Variants in DLGAP1 observed in about 807,000 individuals in gnomAD.
DLGAP1 encodes the protein disks large-associated protein 1.
A neutral mutation model predicts 90.8 loss-of-function variants in DLGAP1; 11 were observed. The observed-to-expected ratio is 0.12, with a 90% confidence interval of 0.08 to 0.20. DLGAP1 has a LOEUF of 0.20. Among genes scored for constraint, DLGAP1 ranks in the 10% least tolerant of loss-of-function variants. The pLI is 1.00. For missense variants in DLGAP1, 1,050 were observed against 1,333.8 expected, an observed-to-expected ratio of 0.79 and a Z score of 3.31; for synonymous variants, 558 against 540.7, an observed-to-expected ratio of 1.03 and a Z score of -0.44.
intron 6 of DLGAP1, among the ~76,000 whole-genome samples, chr18:3,732,094 T>A (rs1169591632): frequency 6.6e-6 from 1 of 152,238 alleles, no homozygotes; most frequent in African/African-American, 2.4e-5. Flanking sequence ...TTGACTTATC[T>A]ATTGAGCATC....
intron 3 of DLGAP1, among the ~76,000 whole-genome samples, chr18:3,909,888 T>A (rs2148893918): frequency 6.6e-6 from 1 of 152,176 alleles, no homozygotes; most frequent in East Asian, 1.9e-4. Context: ...CAATTTTGAG[T>A]TTTTGAGAAA....
chr18:4,162,907 A>C (rs1247858668), intron 1 of DLGAP1, among the ~76,000 whole-genome samples: 1 of 138,650 alleles, frequency 7.2e-6, no homozygotes, highest in Non-Finnish European at 1.5e-5. Flanking sequence ...TGAAATAATC[A>C]GAGTTTTTTT....
At chr18:4,075,166 A>T (rs2143523136) in intron 2 of DLGAP1, among the ~76,000 whole-genome samples, 1 of 152,268 alleles carries the variant, frequency 6.6e-6, no homozygotes, top group African/African-American at 2.4e-5. Flanking sequence ...CTTTTTTAGC[A>T]TCATTACATT....
At chr18:4,171,592 T>C (rs937535003) in intron 1 of DLGAP1, among the ~76,000 whole-genome samples, 1 of 150,858 alleles carries the variant, frequency 6.6e-6, no homozygotes, top group African/African-American at 2.4e-5. Context: ...AAAAAGAAAG[T>C]ATCTTTAGGA....
chr18:3,887,691 C>A (rs1010495087), intron 3 of DLGAP1, among the ~76,000 whole-genome samples: 2 of 152,096 alleles, frequency 1.3e-5, no homozygotes, highest in Non-Finnish European at 2.9e-5. Context: ...TAATAAATCC[C>A]AATTCTACAG....
At chr18:4,432,976 T>C (rs1278078754) in intron 1 of DLGAP1, among the ~76,000 whole-genome samples, 1 of 152,166 alleles carries the variant, frequency 6.6e-6, no homozygotes, top group Non-Finnish European at 1.5e-5. Context: ...TTAATTTCCT[T>C]TCCTTTCCTG....
chr18:3,531,642 C>T (rs1025780304), intron 10 of DLGAP1, among the ~76,000 whole-genome samples: 5 of 151,690 alleles, frequency 3.3e-5, no homozygotes, highest in Admixed American at 1.3e-4. Flanking sequence ...ATCTCCACAC[C>T]CGACTAATTT....
chr18:3,815,907 G>A (rs748988454), intron 4 of DLGAP1, among the ~76,000 whole-genome samples: 2 of 152,158 alleles, frequency 1.3e-5, no homozygotes, highest in African/African-American at 4.8e-5. Context: ...TTATAACAGA[G>A]ACGAGAAGAG....
intron 4 of DLGAP1, among the ~76,000 whole-genome samples, chr18:3,852,511 T>C (rs1031478784): frequency 1.3e-5 from 2 of 152,190 alleles, no homozygotes; most frequent in Non-Finnish European, 2.9e-5. Flanking sequence ...TCCTCATGTT[T>C]TCTAGGGGAA....
Position 3,499,076 on chromosome 18 carries a change from C to A in DLGAP1, c.*109G>T. ...ACAACTACACCGCGACAGTGGAAGT[C>A]ACCGAGCTCGGGAGCGGACGGGCTC... On this transcript the variant is annotated 3_prime_UTR_variant, in exon 13 of 13. Transcript: ENST00000315677. The surrounding 1 kb of genome is among the most constrained non-coding windows in gnomAD (Gnocchi z 6.4). The A allele has an allele frequency of 9.6e-7, 1 of 1,042,230 alleles. No individual in the cohort carries two copies. Among genetic ancestry groups the A allele is most frequent in the South Asian group, 1.7e-5 (1 of 57,902 alleles). The allele number at this position is 1,042,230 out of a possible 1,614,324, so 64.6% of individuals were successfully genotyped here. A position where few individuals can be genotyped will look rare whatever the true frequency, so the allele number is the denominator to read the frequency against.
At chr18:3,549,611 G>A (rs1046512689) in intron 9 of DLGAP1, among the ~76,000 whole-genome samples, 1 of 152,150 alleles carries the variant, frequency 6.6e-6, no homozygotes, top group Admixed American at 6.5e-5. Flanking sequence ...GATCACAGGC[G>A]TGAGCCACCA....
chr18:4,285,718 A>G (rs2079671269), intron 1 of DLGAP1, among the ~76,000 whole-genome samples: 4 of 152,154 alleles, frequency 2.6e-5, no homozygotes, highest in Admixed American at 2.6e-4. Flanking sequence ...TTACAGGTTG[A>G]CGTTTGCCTT....
intron 1 of DLGAP1, among the ~76,000 whole-genome samples, chr18:4,260,472 A>G (rs2078981269): frequency 6.6e-6 from 1 of 152,198 alleles, no homozygotes; most frequent in African/African-American, 2.4e-5. Context: ...AGTTTCACTT[A>G]TGTTTGCAAA....
intron 2 of DLGAP1, among the ~76,000 whole-genome samples, chr18:4,073,698 A>T (rs999274718): frequency 4.0e-5 from 6 of 150,278 alleles, no homozygotes; most frequent in Non-Finnish European, 7.4e-5. Flanking sequence ...AATGTTTTTT[A>T]AAAAATAAAT....
intron 4 of DLGAP1, among the ~76,000 whole-genome samples, chr18:3,850,212 A>G (rs1177956868): frequency 6.6e-6 from 1 of 152,056 alleles, no homozygotes; most frequent in East Asian, 1.9e-4. Context: ...AAAAATTAAA[A>G]TACAAAAATC....
intron 8 of DLGAP1, among the ~76,000 whole-genome samples, chr18:3,574,741 T>C (rs1237007893): frequency 6.6e-6 from 1 of 152,126 alleles, no homozygotes; most frequent in African/African-American, 2.4e-5. Context: ...TCCTTTACTA[T>C]TTTAAGTCAA....
At chr18:3,774,909 C>T (rs2064869563) in intron 5 of DLGAP1, among the ~76,000 whole-genome samples, 1 of 152,106 alleles carries the variant, frequency 6.6e-6, no homozygotes, top group African/African-American at 2.4e-5. Context: ...AAACAACCAC[C>T]CCCTTCCTCC....
intron 3 of DLGAP1, among the ~76,000 whole-genome samples, chr18:3,950,864 A>C (rs2072971525): frequency 6.6e-6 from 1 of 152,236 alleles, no homozygotes; most frequent in Non-Finnish European, 1.5e-5. Flanking sequence ...TTGATAGGTC[A>C]GCAATTTAAA....
Position 3,567,481 on chromosome 18 carries a change from T to G in DLGAP1, c.2057+9A>C. 6.2e-7 allele frequency: 1 copy of G among 1,611,416 alleles called. No individual in the cohort carries two copies. ...CAAGACAAAAGAGGATGCGTGCATGTGGACTTACCACTTCTCTTCTTCTAC... is the reference window on the plus strand; with the variant it reads ...CAAGACAAAAGAGGATGCGTGCATGGGGACTTACCACTTCTCTTCTTCTAC... On this transcript the variant is annotated intron_variant, in intron 9 of 12. Transcript: ENST00000315677.
Sources: allele counts gnomAD v4.1 joint callset (sites outside exome capture counted in the v4.1 genomes callset), GRCh38; gene constraint gnomAD v4.1.1; non-coding constraint Gnocchi (gnomAD v3.1); transcripts MANE v1.5; gene names NCBI Gene and HGNC (gene_info 2026-07-23, HGNC 2026-07-21).